The following CLEC4C variants were observed in gnomAD, a reference collection of about 807,000 sequenced individuals.
The protein encoded by CLEC4C is C-type lectin domain family 4 member C.
CLEC4C carries 17 observed loss-of-function variants against 27.7 expected under a neutral mutation model. That is an observed-to-expected ratio of 0.61 (90% confidence interval 0.42 to 0.92). CLEC4C has a LOEUF of 0.92. Among genes scored for constraint, CLEC4C ranks in the 40% least tolerant of loss-of-function variants. The pLI, the probability that CLEC4C is intolerant of heterozygous loss-of-function variation, is 0.00. For synonymous variants in CLEC4C, 80 were observed against 80.8 expected, an observed-to-expected ratio of 0.99 and a Z score of 0.06; for missense variants, 244 against 257.3, an observed-to-expected ratio of 0.95 and a Z score of 0.35.
rs200406889 is a variant in CLEC4C at position 7,741,415 on chromosome 12, T to C, written c.235+6A>G. 3 of 1,497,602 alleles carry C rather than the reference T, an allele frequency of 2.0e-6. No homozygotes were observed. The East Asian group carries it at 6.8e-5, about 34-fold the overall frequency. 92.8% of individuals were successfully genotyped at this position (1,497,602 alleles called of 1,614,324 possible). On this transcript the variant is annotated splice_donor_region_variant and intron_variant, in intron 3 of 5. Coordinates refer to ENST00000360345, the MANE Select transcript of CLEC4C (RefSeq NM_001371390.1). ...GGAAGTCTTGTTGCCCATTGCAGAGTTGTACCTTCTATGTCCTTTCCTTCC... is the reference window on the plus strand; with the variant it reads ...GGAAGTCTTGTTGCCCATTGCAGAGCTGTACCTTCTATGTCCTTTCCTTCC...
intron 2 of CLEC4C, among the ~76,000 whole-genome samples, chr12:7,745,399 T>C (rs1392450825): frequency 6.6e-6 from 1 of 151,002 alleles, no homozygotes; most frequent in African/African-American, 2.4e-5. Context: ...AATAAATATC[T>C]GTTTTTTAAC....
intron 4 of CLEC4C, among the ~76,000 whole-genome samples, chr12:7,735,734 T>A: frequency 7.0e-6 from 1 of 142,688 alleles, no homozygotes; most frequent in East Asian, 2.2e-4. Flanking sequence ...ACGCAGGAGG[T>A]GGAGGTTGCA....
chr12:7,739,034 C>G (rs1864793125), intron 3 of CLEC4C, among the ~76,000 whole-genome samples: 2 of 147,680 alleles, frequency 1.4e-5, no homozygotes, highest in African/African-American at 5.0e-5. Context: ...TTGTTCGATT[C>G]CCACCAGTAG....
intron 3 of CLEC4C, among the ~76,000 whole-genome samples, chr12:7,737,846 TGCAGTACGAAAGC>T (rs748113606): frequency 2.6e-4 from 39 of 152,182 alleles, no homozygotes; most frequent in Middle Eastern, 3.4e-3. Context: ...ACTCTGCTAC[TGCAGTACGAAAGC>T]AACCACTGGC....
intron 5 of CLEC4C, 136 bp from the exon 6 acceptor site, chr12:7,729,876 A>C: frequency 1.4e-6 from 1 of 732,942 alleles, no homozygotes; most frequent in Non-Finnish European, 2.3e-6. Flanking sequence ...TTCTGCTGCC[A>C]CGTTTTGTAA....
intron 2 of CLEC4C, among the ~76,000 whole-genome samples, chr12:7,744,391 CT>C (rs1358101853): frequency 6.6e-6 from 1 of 152,162 alleles, no homozygotes; most frequent in Non-Finnish European, 1.5e-5. Context: ...CACATTTTTA[CT>C]TGACATAGGA....
At chr12:7,743,601 G>A (rs866961982) in intron 2 of CLEC4C, among the ~76,000 whole-genome samples, 54 of 151,376 alleles carry the variant, frequency 3.6e-4, no homozygotes, top group Non-Finnish European at 1.5e-4. Flanking sequence ...CCATGGTCTC[G>A]ATCTCCTGAC....
intron 4 of CLEC4C, among the ~76,000 whole-genome samples, chr12:7,731,236 T>TG (rs887964680): frequency 1.3e-5 from 2 of 152,034 alleles, no homozygotes; most frequent in African/African-American, 2.4e-5. Context: ...AAAGGCAGAC[T>TG]GGGGGGATAT....
chr12:7,743,082 G>A (rs774611061), intron 2 of CLEC4C, among the ~76,000 whole-genome samples: 3 of 152,004 alleles, frequency 2.0e-5, no homozygotes, highest in Non-Finnish European at 4.4e-5. Context: ...TTGTATTCAC[G>A]CTATATACCC....
rs376837685 is a variant in CLEC4C at position 7,733,672 on chromosome 12, G to A, written c.382-2760C>T. On this transcript the variant is annotated intron_variant, in intron 4 of 5. Transcript: ENST00000360345. The stretch of plus-strand genomic sequence containing the variant: ...AATTTTTTGTATTTTTAGTAGAGAC[G>A]GGGTTTCACCATATTAGCCAGGATG... 5.4e-4 allele frequency among the ~76,000 whole-genome samples: 82 copies of A among 151,044 alleles called. 1 individual carries two copies. The highest frequency in any genetic ancestry group is 1.8e-3 in the East Asian group (9 of 5,142).
At chr12:7,747,591 G>A, upstream of CLEC4C, 4 of 275,080 alleles carry the variant, frequency 1.5e-5, no homozygotes, top group Non-Finnish European at 2.0e-5. Flanking sequence ...AGGAAATCGA[G>A]AAATACATGA....
At chr12:7,733,000 G>GTC (rs1324498134) in intron 4 of CLEC4C, among the ~76,000 whole-genome samples, 1 of 151,958 alleles carries the variant, frequency 6.6e-6, no homozygotes, top group African/African-American at 2.4e-5. Context: ...GTTAAAATTA[G>GTC]TCATTGTCTA....
At chr12:7,730,706 GT>G in intron 5 of CLEC4C, 90 bp downstream of exon 5, 1 of 676,762 alleles carries the variant, frequency 1.5e-6, no homozygotes. Context: ...AGTGTTGTGG[GT>G]TTTATTGTTT....
At chr12:7,741,648 G>A in intron 2 of CLEC4C, 117 bp from the exon 3 acceptor site, 1 of 612,270 alleles carries the variant, frequency 1.6e-6, no homozygotes, top group Non-Finnish European at 3.0e-6. Context: ...AGCACTTTAG[G>A]AGGCCGAGGT....
rs544701034 is a variant in CLEC4C at position 7,746,185 on chromosome 12, T to G, written c.124+146A>C. ...GCCGAGATCACGCCACTGCACTCCATCCTGGGCGACAGAGCGAGATTCCGT... is the reference window on the plus strand; with the variant it reads ...GCCGAGATCACGCCACTGCACTCCAGCCTGGGCGACAGAGCGAGATTCCGT... On this transcript the variant is annotated intron_variant, in intron 2 of 5. Transcript: ENST00000360345. The G allele has an allele frequency of 7.5e-3, 4,213 of 559,116 alleles. 26 individuals carry two copies. The highest frequency in any genetic ancestry group is 9.5e-3 in the Non-Finnish European group (3,088 of 326,560). 34.6% of individuals were successfully genotyped at this position (559,116 alleles called of 1,614,324 possible).
intron 4 of CLEC4C, among the ~76,000 whole-genome samples, chr12:7,734,175 G>A (rs759975938): frequency 6.6e-6 from 1 of 152,050 alleles, no homozygotes; most frequent in African/African-American, 2.4e-5. Flanking sequence ...CTCCCTCTCC[G>A]CCATATCAAT....
At chr12:7,743,351 C>T (rs1030971227) in intron 2 of CLEC4C, among the ~76,000 whole-genome samples, 11 of 151,604 alleles carry the variant, frequency 7.3e-5, no homozygotes, top group Admixed American at 5.9e-4. Flanking sequence ...AGAGCAAGAT[C>T]TGACTTTTCA....
chr12:7,734,936 C>T (rs1400609587), intron 4 of CLEC4C, among the ~76,000 whole-genome samples: 1 of 152,080 alleles, frequency 6.6e-6, no homozygotes, highest in African/African-American at 2.4e-5. Context: ...CATGGTGTCT[C>T]AGGCCTATAA....
In CLEC4C at chr12:7,746,400, A is replaced by T; in HGVS notation, c.55T>A (p.Leu19Met). The T allele has an allele frequency of 6.2e-7, 1 of 1,613,312 alleles. No individual in the cohort carries two copies. The highest frequency in any genetic ancestry group is 8.5e-7 in the Non-Finnish European group (1 of 1,179,340). ...DREKGLWWFQ[L>M]KVWSMAVVSI... The stretch of plus-strand genomic sequence containing the variant: ...ACGACTGCCATGGACCAGACCTTCA[A>T]CTGGAACCACCAGAGTCCTTTCTCT... The change falls in exon 2 of 6, where the codon TTG (leucine) becomes ATG (methionine). Residue 19 changes from leucine to methionine, a missense_variant. Transcript: ENST00000360345.
Sources: gnomAD v4.1 joint callset for allele counts (sites outside exome capture counted in the v4.1 genomes callset) on GRCh38, gnomAD v4.1.1 for gene constraint, MANE v1.5 for transcripts, NCBI Gene and HGNC (gene_info 2026-07-23, HGNC 2026-07-21) for gene names.